The following SPPL3 variants were observed in gnomAD, a reference collection of about 807,000 sequenced individuals.
The protein encoded by SPPL3 is signal peptide peptidase like 3.
In SPPL3, 5 loss-of-function variants were observed where a neutral mutation model predicts 42.4. That is an observed-to-expected ratio of 0.12 (90% confidence interval 0.06 to 0.25). SPPL3 has a LOEUF of 0.25. Ranked by LOEUF, SPPL3 falls within the 10% of genes least tolerant of loss-of-function variation. The pLI, the probability that SPPL3 is intolerant of heterozygous loss-of-function variation, is 1.00. For synonymous variants in SPPL3, 195 were observed against 181.8 expected, an observed-to-expected ratio of 1.07 and a Z score of -0.58; for missense variants, 235 against 489.0, an observed-to-expected ratio of 0.48 and a Z score of 4.90.
chr12:120,767,468 G>C lies in SPPL3; in HGVS notation c.899C>G (p.Pro300Arg). Residue 300 changes from proline (P) to arginine (R), a missense_variant, in exon 9 of 11, where the codon CCT becomes CGT. Physicochemically the swap from Pro to Arg is moderately radical, Grantham distance 103. Transcript: ENST00000353487. ...KQASGDSCGA[P>R]GPANISGRMQ... ...GCGCCCGGAGATGTTGGCAGGTCCA[G>C]GGGCCCCACAGGAGTCCCCACTGGC... 6.2e-7 allele frequency: 1 copy of C among 1,614,172 alleles called. No individual in the cohort carries two copies.
chr12:120,785,824 A>T (rs1405055416), intron 3 of SPPL3, among the ~76,000 whole-genome samples: 1 of 151,390 alleles, frequency 6.6e-6, no homozygotes, highest in Non-Finnish European at 1.5e-5. Flanking sequence ...TTAAAAAAAA[A>T]AAAAAAATTA....
chr12:120,866,596 G>A (rs1872761036), intron 1 of SPPL3, among the ~76,000 whole-genome samples: 1 of 152,152 alleles, frequency 6.6e-6, no homozygotes, highest in Non-Finnish European at 1.5e-5. Flanking sequence ...ATTTAAAACG[G>A]AGAAATAATG....
chr12:120,766,197 A>G (rs1868898572), intron 10 of SPPL3, 66 bp downstream of exon 10: 1 of 1,307,820 alleles, frequency 7.6e-7, no homozygotes, highest in African/African-American at 1.5e-5. Context: ...CAGCGAGGAG[A>G]GTGCAAACCG....
intron 5 of SPPL3, 93 bp downstream of exon 5, chr12:120,783,581 A>G (rs1327093801): frequency 2.5e-6 from 3 of 1,207,272 alleles, no homozygotes; most frequent in Non-Finnish European, 3.5e-6. Flanking sequence ...GCTCCAGCCA[A>G]TAACAGAAAT....
intron 3 of SPPL3, among the ~76,000 whole-genome samples, chr12:120,788,988 A>C (rs1206356118): frequency 6.6e-6 from 1 of 152,160 alleles, no homozygotes; most frequent in African/African-American, 2.4e-5. Context: ...TCCATAATCA[A>C]GTACTGGTCG....
chr12:120,857,861 T>A (rs1872511610), intron 1 of SPPL3, among the ~76,000 whole-genome samples: 1 of 152,186 alleles, frequency 6.6e-6, no homozygotes, highest in Non-Finnish European at 1.5e-5. Context: ...AGCTAATGCA[T>A]GCGGGGCTTA....
rs1305575799 is a variant in SPPL3, at chr12:120,763,343, G to A, written c.*1656C>T. 1 of 152,684 alleles carries A rather than the reference G, an allele frequency of 6.5e-6. No individual in the cohort carries two copies. The highest frequency in any genetic ancestry group is 1.9e-4 in the East Asian group (1 of 5,206). The allele number at this position is 152,684 out of a possible 1,614,324, so 9.5% of individuals were successfully genotyped here. ...CTGCTTCAGACTCTGTTGACAACAG[G>A]ATGGGTGCCCCCTGTGAGCTCGATC... On this transcript the variant is annotated 3_prime_UTR_variant, in exon 11 of 11. Transcript: ENST00000353487.
At chr12:120,829,358 G>C (rs1263489172) in intron 1 of SPPL3, among the ~76,000 whole-genome samples, 1 of 152,188 alleles carries the variant, frequency 6.6e-6, no homozygotes, top group African/African-American at 2.4e-5. Context: ...CACTTTGGGA[G>C]GCCACGGCAG....
chr12:120,845,783 C>T (rs995312213), intron 1 of SPPL3: 1 of 193,474 alleles, frequency 5.2e-6, no homozygotes, highest in African/African-American at 2.4e-5. Flanking sequence ...TTAAATGTCA[C>T]CTTCTCAGAC....
At chr12:120,879,621 C>T (rs1873218735) in intron 1 of SPPL3, among the ~76,000 whole-genome samples, 3 of 152,014 alleles carry the variant, frequency 2.0e-5, no homozygotes, top group African/African-American at 7.3e-5. Flanking sequence ...TAATATGCAG[C>T]CTTTTTCAAG....
At position 120,768,494 on chromosome 12, in the gene SPPL3, G is replaced by A. The variant is rs368063710; in HGVS notation, c.610-6C>T. ...ATGTAGGCTGAGAAAAATACCTGCCGAGTTGGAGAGATGCCTTTAACAGAG... is the reference window on the plus strand; with the variant it reads ...ATGTAGGCTGAGAAAAATACCTGCCAAGTTGGAGAGATGCCTTTAACAGAG... On this transcript the variant is annotated splice_region_variant and splice_polypyrimidine_tract_variant and intron_variant, in intron 7 of 10. Transcript: ENST00000353487. The A allele has an allele frequency of 3.7e-5, 60 of 1,609,288 alleles. No homozygotes were observed. Among genetic ancestry groups the A allele is most frequent in the South Asian group, 1.3e-4 (12 of 90,434 alleles).
At chr12:120,850,832 C>T (rs1836348126) in intron 1 of SPPL3, among the ~76,000 whole-genome samples, 1 of 152,182 alleles carries the variant, frequency 6.6e-6, no homozygotes, top group African/African-American at 2.4e-5. Context: ...GGCTCACATT[C>T]CCTTCATCGA....
intron 3 of SPPL3, among the ~76,000 whole-genome samples, chr12:120,788,934 T>C (rs1394670383): frequency 6.6e-6 from 1 of 152,260 alleles, no homozygotes; most frequent in Non-Finnish European, 1.5e-5. Flanking sequence ...GATAAATTCA[T>C]CCTGTTTTCC....
At chr12:120,833,946 G>A (rs989058944) in intron 1 of SPPL3, among the ~76,000 whole-genome samples, 1 of 152,124 alleles carries the variant, frequency 6.6e-6, no homozygotes, top group Non-Finnish European at 1.5e-5. Flanking sequence ...CTGACTGTGA[G>A]TCTGCACAGT....
In SPPL3 at chr12:120,838,072, T is replaced by C. The variant is rs558977034; in HGVS notation, c.24-27186A>G. Among the ~76,000 whole-genome samples the C allele has an allele frequency of 2.0e-5, 3 of 152,246 alleles. No individual in the cohort carries two copies. The South Asian group carries it at 6.2e-4, about 32-fold the overall frequency. ...AAATAAAACTCAGACACAGTGATTA[T>C]AAACACAGCCCATACTTACTACTTA... is the stretch of plus-strand genomic sequence containing the variant. On this transcript the variant is annotated intron_variant, in intron 1 of 10. Transcript: ENST00000353487.
intron 1 of SPPL3, among the ~76,000 whole-genome samples, chr12:120,840,427 T>C (rs1421808518): frequency 2.0e-5 from 3 of 151,712 alleles, no homozygotes; most frequent in South Asian, 2.1e-4. Context: ...ATGTCCAGAA[T>C]AGGCGAGTAG....
chr12:120,835,359 G>A (rs1344356978), intron 1 of SPPL3: 2 of 152,198 alleles, frequency 1.3e-5, no homozygotes, highest in African/African-American at 4.8e-5. Context: ...TGTAGCCCTT[G>A]CTAAACAGTA....
At chr12:120,867,389 G>A (rs1872786324) in intron 1 of SPPL3, among the ~76,000 whole-genome samples, 1 of 152,138 alleles carries the variant, frequency 6.6e-6, no homozygotes, top group African/African-American at 2.4e-5. Context: ...TGGTGTAGCT[G>A]GGCGCGGTGG....
At chr12:120,851,684 G>A (rs1407451354) in intron 1 of SPPL3, among the ~76,000 whole-genome samples, 1 of 152,072 alleles carries the variant, frequency 6.6e-6, no homozygotes, top group African/African-American at 2.4e-5. Context: ...ACTGACTGGA[G>A]CCTTGACCTC....
Sources: gnomAD v4.1 joint callset for allele counts (sites outside exome capture counted in the v4.1 genomes callset) on GRCh38, gnomAD v4.1.1 for gene constraint, MANE v1.5 for transcripts, NCBI Gene and HGNC (gene_info 2026-07-23, HGNC 2026-07-21) for gene names.